KSR2: variants seen among roughly 807,000 people sequenced by gnomAD.
KSR2 encodes kinase suppressor of ras 2.
In KSR2, 25 loss-of-function variants were observed where a neutral mutation model predicts 107.8. That is an observed-to-expected ratio of 0.23 (90% CI 0.17 to 0.32). The LOEUF is 0.32. Ranked by LOEUF, KSR2 falls within the 10% of genes least tolerant of loss-of-function variation. KSR2 has a pLI of 1.00. For missense variants in KSR2, 887 were observed against 1,268.9 expected, an observed-to-expected ratio of 0.70 and a Z score of 4.57; for synonymous variants, 480 against 507.0, an observed-to-expected ratio of 0.95 and a Z score of 0.71.
chr12:117,500,154 T>C (rs1321489167), intron 14 of KSR2, among the ~76,000 whole-genome samples: 1 of 152,156 alleles, frequency 6.6e-6, no homozygotes, highest in Non-Finnish European at 1.5e-5. Flanking sequence ...AAAACAGGCA[T>C]AGAAATGTTT....
At chr12:117,584,430 T>A (rs1398278936) in intron 5 of KSR2, among the ~76,000 whole-genome samples, 2 of 151,970 alleles carry the variant, frequency 1.3e-5, no homozygotes, top group Non-Finnish European at 2.9e-5. Flanking sequence ...AGAGGAAGGG[T>A]TAGCGTCCTC....
At chr12:117,951,630 A>G (rs1172272150) in intron 1 of KSR2, among the ~76,000 whole-genome samples, 7 of 152,172 alleles carry the variant, frequency 4.6e-5, no homozygotes, top group Admixed American at 4.6e-4. Flanking sequence ...GAACACACAG[A>G]GCAGGGGGAT....
At chr12:117,862,855 G>T (rs75266022) in intron 1 of KSR2, among the ~76,000 whole-genome samples, 1 of 149,212 alleles carries the variant, frequency 6.7e-6, no homozygotes, top group African/African-American at 2.5e-5. Flanking sequence ...TCACCCTCCC[G>T]AGTAGCTGGC....
chr12:117,765,736 C>G (rs937619379), intron 3 of KSR2, among the ~76,000 whole-genome samples: 1 of 152,076 alleles, frequency 6.6e-6, no homozygotes, highest in Non-Finnish European at 1.5e-5. Context: ...GGCACAGAGA[C>G]AAAACAAGTG....
At chr12:117,937,030 C>A (rs1895868416) in intron 1 of KSR2, among the ~76,000 whole-genome samples, 1 of 152,224 alleles carries the variant, frequency 6.6e-6, no homozygotes, top group South Asian at 2.1e-4. Flanking sequence ...ACCCTCTCCC[C>A]TCTTGGTTCC....
At chr12:117,732,300 T>C (rs959726187) in intron 4 of KSR2, among the ~76,000 whole-genome samples, 9 of 152,042 alleles carry the variant, frequency 5.9e-5, no homozygotes, top group Admixed American at 1.3e-4. Context: ...TTTTCTTTTT[T>C]TTTTTTGAGT....
intron 10 of KSR2, among the ~76,000 whole-genome samples, chr12:117,538,247 T>G (rs1876190298): frequency 6.6e-6 from 1 of 152,130 alleles, no homozygotes; most frequent in Non-Finnish European, 1.5e-5. Flanking sequence ...CACATTGCAG[T>G]CCTTGGTGGC....
chr12:117,935,774 T>A (rs1421337307), intron 1 of KSR2, among the ~76,000 whole-genome samples: 1 of 151,932 alleles, frequency 6.6e-6, no homozygotes, highest in African/African-American at 2.4e-5. Flanking sequence ...AAATAAATAA[T>A]AAATAAAGGC....
intron 5 of KSR2, among the ~76,000 whole-genome samples, chr12:117,587,257 A>G (rs1209968063): frequency 6.6e-6 from 1 of 152,188 alleles, no homozygotes; most frequent in Non-Finnish European, 1.5e-5. Flanking sequence ...GGATCTTGAG[A>G]TGGAGAAGTT....
chr12:117,858,241 T>C (rs899690292), intron 2 of KSR2, among the ~76,000 whole-genome samples: 6 of 152,202 alleles, frequency 3.9e-5, no homozygotes, highest in Non-Finnish European at 7.3e-5. Context: ...GAATCGTTTC[T>C]ACCTTATTTG....
chr12:117,571,232 T>C (rs1035976603), intron 7 of KSR2, among the ~76,000 whole-genome samples: 1 of 152,082 alleles, frequency 6.6e-6, no homozygotes, highest in Non-Finnish European at 1.5e-5. Flanking sequence ...TACTCCATCC[T>C]GGGCAACAGA....
At chr12:117,957,769 A>ACG (rs944999351) in intron 1 of KSR2, among the ~76,000 whole-genome samples, 8 of 150,530 alleles carry the variant, frequency 5.3e-5, no homozygotes, top group African/African-American at 1.7e-4. Flanking sequence ...ACACACACAC[A>ACG]CACGCACACC....
rs541491953 is a variant in KSR2, at chr12:117,454,622, C to T, written c.*12577G>A. 2.0e-5 allele frequency: 3 copies of T among 152,328 alleles called. No homozygotes were observed. The East Asian group carries it at 5.8e-4, about 29-fold the overall frequency. The allele number at this position is 152,328 out of a possible 1,614,324, so 9.4% of individuals were successfully genotyped here. A position where few individuals can be genotyped will look rare whatever the true frequency, so the allele number is the denominator to read the frequency against. On this transcript the variant is annotated 3_prime_UTR_variant, in exon 20 of 20. Transcript: ENST00000339824. ...TTTCTGTAACAAACCAGCATTTTGC[C>T]CATCATACCTGAAATGTTTAGTTAG... is the stretch of plus-strand genomic sequence containing the variant.
At chr12:117,773,614 T>C (rs1199913179) in intron 3 of KSR2, among the ~76,000 whole-genome samples, 1 of 152,216 alleles carries the variant, frequency 6.6e-6, no homozygotes, top group African/African-American at 2.4e-5. Context: ...CTTGTAACTT[T>C]TGTGAATACT....
chr12:117,640,879 T>C (rs1883325618), intron 5 of KSR2, among the ~76,000 whole-genome samples: 1 of 152,158 alleles, frequency 6.6e-6, no homozygotes, highest in Non-Finnish European at 1.5e-5. Context: ...CTCATGTCAC[T>C]TCCCCCCAAA....
chr12:117,581,920 A>G (rs1039956951), intron 6 of KSR2, among the ~76,000 whole-genome samples: 4 of 142,698 alleles, frequency 2.8e-5, no homozygotes, highest in African/African-American at 1.0e-4. Flanking sequence ...ATCTCATTTA[A>G]TCTGCACAGT....
chr12:117,943,685 T>A (rs1208793257), intron 1 of KSR2, among the ~76,000 whole-genome samples: 1 of 152,040 alleles, frequency 6.6e-6, no homozygotes, highest in Admixed American at 6.6e-5. Context: ...TTGAAGACAT[T>A]ATGTTAAGTG....
intron 1 of KSR2, among the ~76,000 whole-genome samples, chr12:117,933,697 G>C (rs981958762): frequency 6.6e-6 from 1 of 152,148 alleles, no homozygotes; most frequent in Non-Finnish European, 1.5e-5. Context: ...AAAGTACTTT[G>C]GTTTATGGTT....
chr12:117,903,242 T>A (rs539610657), intron 1 of KSR2, among the ~76,000 whole-genome samples: 1 of 152,348 alleles, frequency 6.6e-6, no homozygotes, highest in South Asian at 2.1e-4. Flanking sequence ...TCATACTTTA[T>A]GACCATCTGG....
Sources: allele counts gnomAD v4.1 joint callset (sites outside exome capture counted in the v4.1 genomes callset), GRCh38; gene constraint gnomAD v4.1.1; transcripts MANE v1.5; gene names NCBI Gene and HGNC (gene_info 2026-07-23, HGNC 2026-07-21).